PLAT: variants seen among roughly 807,000 people sequenced by gnomAD.
PLAT encodes the protein plasminogen activator, tissue type.
PLAT carries 48 observed loss-of-function variants against 74.9 expected under a neutral mutation model. The ratio of observed to expected loss-of-function variants is 0.64; its 90% CI spans 0.51 to 0.82. The LOEUF (loss-of-function observed/expected upper bound fraction) is 0.82. Ranked by LOEUF, PLAT falls within the 40% of genes least tolerant of loss-of-function variation. The probability of loss-of-function intolerance (pLI) is 0.00; values close to 1 mark genes in which losing one functional copy is unlikely to be tolerated. For missense variants in PLAT, 673 were observed against 736.2 expected (o/e 0.91, Z 0.99); for synonymous variants, 307 against 294.4 (o/e 1.04, Z -0.44).
chr8:42,181,368 G>A (rs750098424), intron 9 of PLAT, among the ~76,000 whole-genome samples: 4 of 152,190 alleles, frequency 2.6e-5, no homozygotes, highest in African/African-American at 4.8e-5. Flanking sequence ...TCATGAGCCA[G>A]CTCCCCTGTG....
chr8:42,190,001 C>T (rs1805623936), intron 3 of PLAT, among the ~76,000 whole-genome samples: 1 of 151,890 alleles, frequency 6.6e-6, no homozygotes, highest in Admixed American at 6.6e-5. Context: ...ACCTCTGCCT[C>T]CCAGGCTCAA....
intron 1 of PLAT, among the ~76,000 whole-genome samples, chr8:42,202,759 T>C (rs1806184300): frequency 6.7e-6 from 1 of 149,506 alleles, no homozygotes; most frequent in African/African-American, 2.5e-5. Context: ...GGGACGGGGG[T>C]GGGCTTGGAG....
chr8:42,187,819 G>GC (rs1805542719), intron 5 of PLAT, 87 bp downstream of exon 5: 10 of 985,766 alleles, frequency 1.0e-5, no homozygotes, highest in Non-Finnish European at 1.6e-5. Flanking sequence ...CCCTGGCCCT[G>GC]CCATCGCACC....
chr8:42,198,131 G>C (rs1220093280), intron 1 of PLAT, among the ~76,000 whole-genome samples: 1 of 152,002 alleles, frequency 6.6e-6, no homozygotes, highest in Admixed American at 6.6e-5. Flanking sequence ...CCAGGAGTTC[G>C]AGATCAGCCT....
chr8:42,194,050 CT>C lies in PLAT; in HGVS notation c.-26-840del, dbSNP rs59850705. ...CTTTTTCCTTTCTTCTTTCTTCTTT[CT>C]TTTTTTTTTTTTTTTTTTTGAGACT... On this transcript the variant is annotated intron_variant, in intron 1 of 13. Coordinates refer to ENST00000220809, the MANE Select transcript of PLAT (RefSeq NM_000930.5). 1.1e-3 allele frequency among the ~76,000 whole-genome samples: 95 copies of C among 84,912 alleles called. 1 individual carries two copies. In the East Asian group the frequency reaches 0.025, roughly 22 times the overall value. 55.7% of individuals were successfully genotyped at this position (84,912 alleles called of 152,430 possible). A position where few individuals can be genotyped will look rare whatever the true frequency, so the allele number is the denominator to read the frequency against.
At position 42,194,241 on chromosome 8, in the gene PLAT, A is replaced by AGAGTGTGT. The variant is rs1419569830; in HGVS notation, c.-26-1031_-26-1030insACACACTC. ...GAGAGAGAGAGAGAGAGAGAGAGAG[A>AGAGTGTGT]GTGTGTGTGTGTGTGTGTGTGTGTG... is the stretch of plus-strand genomic sequence containing the variant. On this transcript the variant is annotated intron_variant, in intron 1 of 13. Coordinates refer to ENST00000220809, the MANE Select transcript of PLAT (RefSeq NM_000930.5). 4.4e-4 allele frequency among the ~76,000 whole-genome samples: 23 copies of AGAGTGTGT among 52,572 alleles called. No homozygotes were observed. In the East Asian group the frequency reaches 5.5e-3, roughly 13 times the overall value. 34.5% of individuals were successfully genotyped at this position (52,572 alleles called of 152,430 possible).
intron 1 of PLAT, among the ~76,000 whole-genome samples, chr8:42,202,710 A>G (rs1340921054): frequency 6.6e-6 from 1 of 151,952 alleles, no homozygotes; most frequent in Non-Finnish European, 1.5e-5. Flanking sequence ...CTAGACACTC[A>G]GGGTACAGCA....
intron 4 of PLAT, chr8:42,188,295 A>C: frequency 8.3e-6 from 3 of 362,084 alleles, no homozygotes; most frequent in Non-Finnish European, 1.5e-5. Flanking sequence ...AAATATTAAG[A>C]ATGTGCTCTA....
intron 13 of PLAT, among the ~76,000 whole-genome samples, chr8:42,178,545 C>A (rs1269028178): frequency 6.6e-6 from 1 of 152,232 alleles, no homozygotes; most frequent in Non-Finnish European, 1.5e-5. Flanking sequence ...GCTGGGATTA[C>A]AGGCGTGAAC....
intron 13 of PLAT, among the ~76,000 whole-genome samples, chr8:42,177,100 GCACGCACCACCA>G (rs1423313135): frequency 6.6e-6 from 1 of 152,084 alleles, no homozygotes; most frequent in Non-Finnish European, 1.5e-5. Flanking sequence ...GTGCTTATGG[GCACGCACCACCA>G]CACCTGGCTA....
At position 42,191,390 on chromosome 8, in the gene PLAT, C is replaced by G. The variant is rs781130644; in HGVS notation, c.97G>C (p.Gly33Arg). The change falls in exon 3 of 14, where the codon GGA becomes CGA. Residue 33 changes from glycine (G) to arginine (R), a missense_variant. Physicochemically the swap from Gly to Arg is moderately radical, Grantham distance 125. Coordinates refer to ENST00000220809, the MANE Select transcript of PLAT (RefSeq NM_000930.5). ...SQEIHARFRR[G>R]ARSYQVICRD... ...ACCCGACCTTGGTAAGATCTGGCTCCTCTTCTGAATCGGGCATGGATTTCC... is the reference window on the plus strand; with the variant it reads ...ACCCGACCTTGGTAAGATCTGGCTCGTCTTCTGAATCGGGCATGGATTTCC... 19 of 1,614,162 alleles carry G rather than the reference C, an allele frequency of 1.2e-5. No individual in the cohort carries two copies. The South Asian group carries it at 2.0e-4, about 17-fold the overall frequency.
In PLAT at chr8:42,185,005, G is replaced by A. The variant is rs1805394529; in HGVS notation, c.631+76C>T. On this transcript the variant is annotated intron_variant, in intron 7 of 13. Transcript: ENST00000220809. ...TCCCCCTTTCTCCCCTCAGGTGCAG[G>A]AGGGCTATCGGCCTGTCCTCCTGGA... 8.6e-6 allele frequency: 8 copies of A among 933,090 alleles called. No homozygotes were observed. In the South Asian group the frequency reaches 1.3e-4, roughly 16 times the overall value. The allele number at this position is 933,090 out of a possible 1,614,324, so 57.8% of individuals were successfully genotyped here. A position where few individuals can be genotyped will look rare whatever the true frequency, so the allele number is the denominator to read the frequency against.
In PLAT at chr8:42,187,962, A is replaced by T; in HGVS notation, c.308T>A (p.Phe103Tyr). Residue 103 changes from phenylalanine to tyrosine, a missense_variant, in exon 5 of 14, where the codon TTC becomes TAC. Physicochemically the swap from Phe to Tyr is conservative, Grantham distance 22. Transcript: ENST00000220809. ...GGGGCACTGGCACACGAAATCTGAG[A>T]AGTACAGGGCCTGCTGGCAGGTGCC... ...NGGTCQQALY[F>Y]SDFVCQCPEG... The T allele has an allele frequency of 6.2e-7, 1 of 1,613,938 alleles. No homozygotes were observed.
chr8:42,191,348 A>G (rs775750439), intron 3 of PLAT, 24 bp downstream of exon 3: 1 of 1,609,822 alleles, frequency 6.2e-7, no homozygotes, highest in South Asian at 1.1e-5. Flanking sequence ...TGATGACCCC[A>G]TGCACCCCTC....
rs529879933 is a variant in PLAT, at chr8:42,182,601, T to C, written c.803+118A>G. The C allele has an allele frequency of 8.3e-6, 6 of 723,304 alleles. No homozygotes were observed. The African/African-American group carries it at 1.1e-4, about 13-fold the overall frequency. 44.8% of individuals were successfully genotyped at this position (723,304 alleles called of 1,614,324 possible). A position where few individuals can be genotyped will look rare whatever the true frequency, so the allele number is the denominator to read the frequency against. On this transcript the variant is annotated intron_variant, in intron 8 of 13. Transcript: ENST00000220809. ...AAGAGGTTGGATTAGATAATATCCA[T>C]GGGTGCTTCCCACGCACTGGGTCTG... is the stretch of plus-strand genomic sequence containing the variant.
In PLAT at chr8:42,185,168, G is replaced by C; in HGVS notation, c.544C>G (p.Pro182Ala). ...GLGNHNYCRNPDRDSKPWCYV... is the reference protein window; with the variant it reads ...GLGNHNYCRNADRDSKPWCYV... ...CACCAGGGCTTTGAGTCTCGATCTGGGTTTCTGAAAAATCAGCCAAGGGAA... is the reference window on the plus strand; with the variant it reads ...CACCAGGGCTTTGAGTCTCGATCTGCGTTTCTGAAAAATCAGCCAAGGGAA... Residue 182 changes from proline to alanine, a missense_variant, in exon 7 of 14, where the codon CCA becomes GCA. Coordinates refer to ENST00000220809, the MANE Select transcript of PLAT (RefSeq NM_000930.5). The C allele has an allele frequency of 6.2e-7, 1 of 1,609,584 alleles. No homozygotes were observed. Among genetic ancestry groups the C allele is most frequent in the East Asian group, 2.2e-5 (1 of 44,610 alleles).
At chr8:42,203,558 G>A (rs1398737277) in intron 1 of PLAT, among the ~76,000 whole-genome samples, 1 of 152,178 alleles carries the variant, frequency 6.6e-6, no homozygotes. Flanking sequence ...TGTCACAGGT[G>A]TTATTTTTGA....
At chr8:42,186,797 A>ACTAT (rs148486901) in intron 6 of PLAT, 1 of 151,170 alleles carries the variant, frequency 6.6e-6, no homozygotes, top group African/African-American at 2.4e-5. Context: ...TCTTACATCT[A>ACTAT]CTATCACCTA....
rs141471689 is a variant in PLAT, at chr8:42,205,669, G to A, written c.-27+1825C>T. ...CCTTCTCTTATCTACCTATGACCTGGAAGCCCCTACTTCGAGTTGTCCTGC... is the reference window on the plus strand; with the variant it reads ...CCTTCTCTTATCTACCTATGACCTGAAAGCCCCTACTTCGAGTTGTCCTGC... On this transcript the variant is annotated intron_variant, in intron 1 of 13. Transcript: ENST00000220809. Among the ~76,000 whole-genome samples the A allele has an allele frequency of 2.1e-3, 317 of 152,280 alleles. 3 individuals are homozygous for A. Among genetic ancestry groups the A allele is most frequent in the African/African-American group, 7.4e-3 (308 of 41,562 alleles).
Sources: allele counts gnomAD v4.1 joint callset (sites outside exome capture counted in the v4.1 genomes callset), GRCh38; gene constraint gnomAD v4.1.1; transcripts MANE v1.5; gene names NCBI Gene and HGNC (gene_info 2026-07-23, HGNC 2026-07-21).